Variants in LRBA observed in about 807,000 individuals in gnomAD.
LRBA encodes the protein lipopolysaccharide-responsive and beige-like anchor protein.
A neutral mutation model predicts 330.0 loss-of-function variants in LRBA; 176 were observed. The observed-to-expected ratio is 0.53, with a 90% CI of 0.47 to 0.60. The LOEUF (loss-of-function observed/expected upper bound fraction) is 0.60, where lower values mean the gene tolerates loss of function less well. Ranked by LOEUF, LRBA falls within the 20% of genes least tolerant of loss-of-function variation. LRBA has a pLI of 0.00. For missense variants in LRBA, 3,259 were observed against 3,444.8 expected (o/e 0.95, Z 1.35); for synonymous variants, 1,230 against 1,193.0 (o/e 1.03, Z -0.64).
At chr4:150,725,379 T>C (rs1279429411) in intron 36 of LRBA, among the ~76,000 whole-genome samples, 2 of 152,152 alleles carry the variant, frequency 1.3e-5, no homozygotes, top group Admixed American at 1.3e-4. Context: ...CTTCAATACA[T>C]CTGGCAGCAG....
At chr4:150,764,978 T>C (rs995774992) in intron 34 of LRBA, among the ~76,000 whole-genome samples, 7 of 151,970 alleles carry the variant, frequency 4.6e-5, no homozygotes, top group African/African-American at 1.2e-4. Flanking sequence ...TGGAGATTTA[T>C]AGCAGCTTTA....
rs1731627773 is a variant in LRBA, at chr4:150,315,636, A to G, written c.7631-13T>C. ...GCACCTTGATGAGCTGGAATTCACAAAAGATAAAGAAAAAAGGCATTATTT... is the reference window on the plus strand; with the variant it reads ...GCACCTTGATGAGCTGGAATTCACAGAAGATAAAGAAAAAAGGCATTATTT... On this transcript the variant is annotated splice_polypyrimidine_tract_variant and intron_variant, in intron 50 of 56. Transcript: ENST00000651943. The G allele has an allele frequency of 1.9e-6, 3 of 1,556,232 alleles. No homozygotes were observed. The African/African-American group carries it at 4.2e-5, about 22-fold the overall frequency.
chr4:150,759,353 T>G (rs1457259511), intron 35 of LRBA, among the ~76,000 whole-genome samples: 1 of 152,194 alleles, frequency 6.6e-6, no homozygotes, highest in African/African-American at 2.4e-5. Context: ...CTGACCTTAC[T>G]TCCTATTTCA....
chr4:150,525,215 TA>T (rs963825151), intron 40 of LRBA, among the ~76,000 whole-genome samples: 5 of 151,720 alleles, frequency 3.3e-5, no homozygotes, highest in Non-Finnish European at 7.4e-5. Flanking sequence ...TCTGCATATT[TA>T]AAAAAAACTG....
intron 36 of LRBA, among the ~76,000 whole-genome samples, chr4:150,718,647 G>A (rs1452261307): frequency 2.6e-5 from 4 of 152,014 alleles, no homozygotes; most frequent in Admixed American, 2.6e-4. Context: ...TATTTTCTCT[G>A]CTAAAATTTT....
chr4:150,567,391 A>G (rs1247461752), intron 40 of LRBA, among the ~76,000 whole-genome samples: 1 of 152,144 alleles, frequency 6.6e-6, no homozygotes, highest in Non-Finnish European at 1.5e-5. Flanking sequence ...AACGGACACT[A>G]TTTAAGTTGT....
At chr4:150,923,281 T>C (rs1264708277) in intron 4 of LRBA, among the ~76,000 whole-genome samples, 1 of 152,018 alleles carries the variant, frequency 6.6e-6, no homozygotes, top group Non-Finnish European at 1.5e-5. Context: ...TTTAGCCTCA[T>C]TTTGCTTCTT....
chr4:150,701,294 CA>C (rs1172602853), intron 36 of LRBA, among the ~76,000 whole-genome samples: 4 of 152,108 alleles, frequency 2.6e-5, no homozygotes, highest in Non-Finnish European at 5.9e-5. Context: ...GGCTGTTCTA[CA>C]GTTAACATTT....
chr4:150,579,794 A>AC, intron 40 of LRBA: 1 of 450,682 alleles, frequency 2.2e-6, no homozygotes, highest in Non-Finnish European at 4.5e-6. Context: ...CAACTCCGCC[A>AC]CCCCTGAGGC....
chr4:150,682,508 T>C (rs988962670), intron 37 of LRBA, among the ~76,000 whole-genome samples: 2 of 152,224 alleles, frequency 1.3e-5, no homozygotes, highest in African/African-American at 2.4e-5. Context: ...TAATTCATTA[T>C]ATGCAAATAT....
intron 37 of LRBA, among the ~76,000 whole-genome samples, chr4:150,679,880 G>A (rs1216097629): frequency 6.6e-6 from 1 of 152,172 alleles, no homozygotes; most frequent in African/African-American, 2.4e-5. Flanking sequence ...TACCAAGAGT[G>A]AATTTCCATG....
chr4:150,728,745 T>A (rs138804434), intron 36 of LRBA, among the ~76,000 whole-genome samples: 1 of 151,708 alleles, frequency 6.6e-6, no homozygotes, highest in Non-Finnish European at 1.5e-5. Context: ...ACCAGTATCA[T>A]ACTGAATGGA....
intron 37 of LRBA, among the ~76,000 whole-genome samples, chr4:150,666,225 A>T (rs778284746): frequency 3.9e-5 from 6 of 152,154 alleles, no homozygotes. Context: ...AGAAAACAAT[A>T]AAAAATAGCA....
intron 47 of LRBA, among the ~76,000 whole-genome samples, chr4:150,351,359 A>G (rs1737125611): frequency 6.6e-6 from 1 of 152,206 alleles, no homozygotes; most frequent in Non-Finnish European, 1.5e-5. Flanking sequence ...TATTAAAATC[A>G]AAGAGTTTTC....
chr4:150,972,887 A>G (rs1739730990), intron 2 of LRBA, among the ~76,000 whole-genome samples: 1 of 152,210 alleles, frequency 6.6e-6, no homozygotes, highest in South Asian at 2.1e-4. Context: ...AGATTACATG[A>G]ACTCACTTTC....
chr4:150,973,573 C>T (rs867335107), intron 2 of LRBA, among the ~76,000 whole-genome samples: 1 of 152,142 alleles, frequency 6.6e-6, no homozygotes, highest in African/African-American at 2.4e-5. Flanking sequence ...CAAATGTGTA[C>T]AATATAGAGT....
At chr4:150,581,322 T>A (rs1054177770) in intron 40 of LRBA, 1 of 451,156 alleles carries the variant, frequency 2.2e-6, no homozygotes, top group South Asian at 1.6e-5. Context: ...CCTCACCTTA[T>A]ATCCACTCCA....
chr4:150,828,477 G>A lies in LRBA; in HGVS notation c.4874C>T (p.Thr1625Ile), dbSNP rs1465610521. 4 of 1,614,028 alleles carry A rather than the reference G, an allele frequency of 2.5e-6. No individual in the cohort carries two copies. The East Asian group carries it at 8.9e-5, about 36-fold the overall frequency. Residue 1625 changes from threonine (T) to isoleucine (I), a missense_variant, in exon 30 of 57, where the codon ACA (threonine) becomes ATA (isoleucine). Coordinates refer to ENST00000651943, the MANE Select transcript of LRBA (RefSeq NM_001364905.1). ...GCCTGCACTGACACCAGGAGGTGCT[G>A]TGTGAGGAGTTACTTCCACATGGCT... ...LGSHVEVTPH[T>I]APPGVSAGPD...
chr4:150,974,091 T>C (rs897389091), intron 2 of LRBA, among the ~76,000 whole-genome samples: 4 of 152,164 alleles, frequency 2.6e-5, no homozygotes, highest in African/African-American at 9.7e-5. Flanking sequence ...TCTCTCACCA[T>C]AAAGTGGAAA....
Sources: gnomAD v4.1 joint callset for allele counts (sites outside exome capture counted in the v4.1 genomes callset) on GRCh38, gnomAD v4.1.1 for gene constraint, MANE v1.5 for transcripts, NCBI Gene and HGNC (gene_info 2026-07-23, HGNC 2026-07-21) for gene names.